Variants in SULT1C2 observed in about 807,000 individuals in gnomAD.
The protein encoded by SULT1C2 is sulfotransferase family 1C member 2.
A neutral mutation model predicts 36.0 loss-of-function variants in SULT1C2; 27 were observed. That is an observed-to-expected ratio of 0.75 (90% CI 0.55 to 1.03). SULT1C2 has a LOEUF of 1.03. Ranked by LOEUF, SULT1C2 falls within the 50% of genes least tolerant of loss-of-function variation. SULT1C2 has a pLI of 0.00. For synonymous variants in SULT1C2, 121 were observed against 116.0 expected (o/e 1.04, Z -0.27); for missense variants, 395 against 359.2 (o/e 1.10, Z -0.80).
At chr2:108,302,642 G>C (rs532194422) in intron 4 of SULT1C2, 1 of 152,236 alleles carries the variant, frequency 6.6e-6, no homozygotes, top group African/African-American at 2.4e-5. Flanking sequence ...CCATGGAAGA[G>C]TCAGACCTCA....
intron 4 of SULT1C2, 93 bp downstream of exon 4, chr2:108,301,028 T>C (rs1371724987): frequency 1.2e-5 from 18 of 1,505,930 alleles, no homozygotes; most frequent in Non-Finnish European, 1.6e-5. Flanking sequence ...GTGATCACCT[T>C]TGCCTCTCCA....
At position 108,304,555 on chromosome 2, in the gene SULT1C2, C is replaced by T. The variant is rs1208075181; in HGVS notation, c.376-19C>T. 1.4e-5 allele frequency: 22 copies of T among 1,588,240 alleles called. No individual in the cohort carries two copies. Among genetic ancestry groups the T allele is most frequent in the Non-Finnish European group, 1.3e-5 (15 of 1,170,448 alleles). ...ACTTTTTATACCATCTTTTACCCAC[C>T]TCTTTTCTTACCCCAAAGTTCCTTT... On this transcript the variant is annotated intron_variant, in intron 4 of 7. Transcript: ENST00000251481.
chr2:108,305,613 A>T lies in SULT1C2; in HGVS notation c.778+18A>T, dbSNP rs757183744. On this transcript the variant is annotated intron_variant, in intron 7 of 7. Transcript: ENST00000251481. ...GAGAAAAGGTGTGTGGGGCCTCTTTATCATACATTCAGATTGTCTCGTAAC... is the reference window on the plus strand; with the variant it reads ...GAGAAAAGGTGTGTGGGGCCTCTTTTTCATACATTCAGATTGTCTCGTAAC... 1.1e-5 allele frequency: 18 copies of T among 1,613,816 alleles called. No homozygotes were observed. The highest frequency in any genetic ancestry group is 8.5e-7 in the Non-Finnish European group (1 of 1,179,864).
At chr2:108,293,916 T>G in intron 2 of SULT1C2, 98 bp downstream of exon 2, 1 of 1,502,036 alleles carries the variant, frequency 6.7e-7, no homozygotes, top group African/African-American at 1.4e-5. Context: ...TGCTCCTTCT[T>G]ATTGTTCCAC....
chr2:108,296,459 G>T (rs372979607), intron 3 of SULT1C2, among the ~76,000 whole-genome samples: 3,429 of 150,140 alleles, frequency 0.023, 45 homozygotes, highest in Middle Eastern at 0.034. Context: ...CGTTTGTTTG[G>T]TTTTTTTTTT....
chr2:108,293,512 TAATGGTTGCACAAC>T, intron 1 of SULT1C2, 121 bp from the exon 2 acceptor site: 4 of 781,618 alleles, frequency 5.1e-6, no homozygotes, highest in Non-Finnish European at 7.3e-6. Context: ...AAGATGGTTA[TAATGGTTGCACAAC>T]AATGTGAATG....
intron 7 of SULT1C2, among the ~76,000 whole-genome samples, chr2:108,306,489 AGC>A (rs1328207428): frequency 7.9e-5 from 12 of 152,178 alleles, no homozygotes; most frequent in African/African-American, 2.7e-4. Context: ...CTGTATTCCC[AGC>A]TTCTCAGGAG....
At chr2:108,305,674 T>C in intron 7 of SULT1C2, 79 bp downstream of exon 7, 1 of 1,550,548 alleles carries the variant, frequency 6.4e-7, no homozygotes, top group Non-Finnish European at 8.9e-7. Flanking sequence ...TATTGAGTTT[T>C]ATTAATTCCA....
intron 1 of SULT1C2, among the ~76,000 whole-genome samples, chr2:108,291,323 GC>G (rs1676584432): frequency 6.6e-6 from 1 of 152,102 alleles, no homozygotes; most frequent in South Asian, 2.1e-4. Flanking sequence ...ACTTTTAAGT[GC>G]CCTTGTGGTC....
chr2:108,291,618 CAA>C lies in SULT1C2; in HGVS notation c.-21-2028_-21-2027del, dbSNP rs753821427. Among the ~76,000 whole-genome samples the C allele has an allele frequency of 7.9e-5, 12 of 151,776 alleles. No homozygotes were observed. The South Asian group carries it at 1.0e-3, about 13-fold the overall frequency. On this transcript the variant is annotated intron_variant, in intron 1 of 7. Coordinates refer to ENST00000251481, the MANE Select transcript of SULT1C2 (RefSeq NM_001056.4). ...ACTTTAAATTCACAATAAAAAAAAA[CAA>C]GAGGCAATTTTTAAAGAAGGAACAT...
At chr2:108,294,481 TTCTC>T (rs1558677296) in intron 3 of SULT1C2, 127 bp downstream of exon 3, 2 of 280,114 alleles carry the variant, frequency 7.1e-6, no homozygotes, top group Non-Finnish European at 1.2e-5. Flanking sequence ...CCTCTTCTCT[TTCTC>T]TCTCATTTTC....
Position 108,301,056 on chromosome 2 carries a change from C to G in SULT1C2, c.375+121C>G, listed in dbSNP as rs2104419969. 6 of 1,262,600 alleles carry G rather than the reference C, an allele frequency of 4.8e-6. No homozygotes were observed. The Middle Eastern group carries it at 6.2e-4, about 130-fold the overall frequency. 78.2% of individuals were successfully genotyped at this position (1,262,600 alleles called of 1,614,324 possible). On this transcript the variant is annotated intron_variant, in intron 4 of 7. Transcript: ENST00000251481. ...CCTCTCCACTGTCTCTGATGCTTAC[C>G]AGCAAAGAGAAAACATAAAGTTCTA...
At chr2:108,290,098 A>C (rs1377821192) in intron 1 of SULT1C2, among the ~76,000 whole-genome samples, 6 of 152,176 alleles carry the variant, frequency 3.9e-5, no homozygotes, top group Admixed American at 3.9e-4. Flanking sequence ...CATTAGTTCA[A>C]GGCCAGAGCC....
chr2:108,290,887 T>C (rs1676574120), intron 1 of SULT1C2, among the ~76,000 whole-genome samples: 1 of 152,244 alleles, frequency 6.6e-6, no homozygotes, highest in African/African-American at 2.4e-5. Context: ...ATACTTTTTG[T>C]TCATAACTAT....
At chr2:108,301,100 C>T in intron 4 of SULT1C2, 165 bp downstream of exon 4, 1 of 857,508 alleles carries the variant, frequency 1.2e-6, no homozygotes, top group South Asian at 1.9e-5. Flanking sequence ...AGGACATTCA[C>T]CTGAACAGTT....
chr2:108,289,996 GCT>G (rs953168747), intron 1 of SULT1C2, among the ~76,000 whole-genome samples: 3 of 152,148 alleles, frequency 2.0e-5, no homozygotes, highest in African/African-American at 4.8e-5. Flanking sequence ...CATGTTCACA[GCT>G]GTGCCCAGGC....
At chr2:108,298,743 C>G in intron 3 of SULT1C2, 1 of 273,190 alleles carries the variant, frequency 3.7e-6, no homozygotes, top group South Asian at 2.9e-5. Flanking sequence ...TAACTGAGGT[C>G]ACTAGGGGTT....
At chr2:108,303,741 G>A (rs1281234710) in intron 4 of SULT1C2, 1 of 152,174 alleles carries the variant, frequency 6.6e-6, no homozygotes, top group Non-Finnish European at 1.5e-5. Context: ...TCTATGTATT[G>A]TAGAATGTTG....
chr2:108,293,651 C>A lies in SULT1C2; in HGVS notation c.-17C>A, dbSNP rs1201213070. ...TCCTCTATTCTTTTCCCATAGGGAC[C>A]CCAACCCTGAGACACTATGGCCCTG... On this transcript the variant is annotated 5_prime_UTR_variant, in exon 2 of 8. Coordinates refer to ENST00000251481, the MANE Select transcript of SULT1C2 (RefSeq NM_001056.4). The A allele has an allele frequency of 6.3e-7, 1 of 1,596,874 alleles. No homozygotes were observed. The highest frequency in any genetic ancestry group is 2.2e-5 in the East Asian group (1 of 44,646).
Sources: gnomAD v4.1 joint callset for allele counts (sites outside exome capture counted in the v4.1 genomes callset) on GRCh38, gnomAD v4.1.1 for gene constraint, MANE v1.5 for transcripts, NCBI Gene and HGNC (gene_info 2026-07-23, HGNC 2026-07-21) for gene names.